Variants in STEAP2 observed in about 807,000 individuals in gnomAD.
The protein encoded by STEAP2 is metalloreductase STEAP2.
In STEAP2, 30 loss-of-function variants were observed where a neutral mutation model predicts 46.4. The ratio of observed to expected loss-of-function variants is 0.65; its 90% confidence interval spans 0.48 to 0.88. STEAP2 has a LOEUF of 0.88. Among genes scored for constraint, STEAP2 ranks in the 40% least tolerant of loss-of-function variants. The pLI is 0.00. For missense variants in STEAP2, 513 were observed against 579.3 expected (o/e 0.89, Z 1.18); for synonymous variants, 180 against 200.5 (o/e 0.90, Z 0.86).
intron 1 of STEAP2, chr7:90,215,979 T>G (rs1794995602): frequency 6.6e-6 from 1 of 152,174 alleles, no homozygotes; most frequent in Non-Finnish European, 1.5e-5. Context: ...TTAATCATGT[T>G]GGCCAGTCTG....
chr7:90,232,414 A>C lies in STEAP2; in HGVS notation c.1263A>C (p.Glu421Asp). ...LIYGWKRAFE[E>D]EYYRFYTPPN... Reference sequence around the variant, plus strand: ...ATGGATGGAAACGAGCTTTTGAGGAAGAGTACTACAGATTTTATACACCAC... The same window carrying C: ...ATGGATGGAAACGAGCTTTTGAGGACGAGTACTACAGATTTTATACACCAC... Residue 421 changes from glutamate (E) to aspartate (D), a missense_variant, in exon 6 of 6, where the codon GAA (glutamate) becomes GAC (aspartate). Physicochemically the swap from Glu to Asp is conservative, Grantham distance 45 (BLOSUM62 2). Coordinates refer to ENST00000394621, the MANE Select transcript of STEAP2 (RefSeq NM_001244944.2). The C allele has an allele frequency of 6.2e-7, 1 of 1,613,254 alleles. No individual in the cohort carries two copies. Among genetic ancestry groups the C allele is most frequent in the South Asian group, 1.1e-5 (1 of 90,954 alleles).
chr7:90,227,567 T>C (rs1795556434), intron 4 of STEAP2, 69 bp downstream of exon 4: 3 of 1,373,278 alleles, frequency 2.2e-6, no homozygotes, highest in South Asian at 3.7e-5. Flanking sequence ...TTGTAAAACA[T>C]AAAATTTTAC....
intron 5 of STEAP2, among the ~76,000 whole-genome samples, chr7:90,230,305 A>T (rs1258941458): frequency 6.6e-6 from 1 of 152,054 alleles, no homozygotes; most frequent in African/African-American, 2.4e-5. Context: ...AGAGAAAAAA[A>T]AAATGAAAGT....
chr7:90,225,541 A>C lies in STEAP2; in HGVS notation c.459A>C (p.Ala153=), dbSNP rs779552805. 14 of 1,611,174 alleles carry C rather than the reference A, an allele frequency of 8.7e-6. No individual in the cohort carries two copies. In the South Asian group the frequency reaches 1.5e-4, roughly 18 times the overall value. Residue 153 remains alanine, a synonymous_variant, in exon 3 of 6, where the codon GCA becomes GCC. Transcript: ENST00000394621. ...GATTTAATGTTGTCTCAGCTTGGGC[A>C]CTTCAGTTAGGACCTAAGGATGCCA... ...VKGFNVVSAW[A]LQLGPKDASR... is the part of the protein sequence containing the mutation.
intron 1 of STEAP2, chr7:90,216,088 G>GT (rs960851928): frequency 8.5e-5 from 13 of 152,138 alleles, no homozygotes; most frequent in African/African-American, 3.1e-4. Context: ...AAATGACATA[G>GT]TTTTATCAGT....
chr7:90,239,295 G>T (rs1305168889), downstream of STEAP2, among the ~76,000 whole-genome samples: 1 of 152,140 alleles, frequency 6.6e-6, no homozygotes, highest in African/African-American at 2.4e-5. Context: ...GGAGAAGACG[G>T]CATGCCAAGG....
At chr7:90,215,720 C>G (rs1450477103) in intron 1 of STEAP2, 3 of 152,162 alleles carry the variant, frequency 2.0e-5, no homozygotes, top group African/African-American at 7.2e-5. Flanking sequence ...AAGCTTAGGC[C>G]TGCTCTTTCA....
In STEAP2 at chr7:90,233,348, A is replaced by G. The variant is rs538446827; in HGVS notation, c.*724A>G. The G allele has an allele frequency of 1.0e-6, 1 of 984,292 alleles. No individual in the cohort carries two copies. Among genetic ancestry groups the G allele is most frequent in the South Asian group, 4.7e-5 (1 of 21,256 alleles). 61.0% of individuals were successfully genotyped at this position (984,292 alleles called of 1,614,324 possible). A position where few individuals can be genotyped will look rare whatever the true frequency, so the allele number is the denominator to read the frequency against. On this transcript the variant is annotated 3_prime_UTR_variant, in exon 6 of 6. Coordinates refer to ENST00000394621, the MANE Select transcript of STEAP2 (RefSeq NM_001244944.2). ...TTTCATATTAATATACTGATCAGGA[A>G]GAGGATTCAGTAACATTTGGCTTCC...
intron 2 of STEAP2, among the ~76,000 whole-genome samples, chr7:90,223,767 T>G (rs551146996): frequency 1.0e-3 from 152 of 152,320 alleles, no homozygotes; most frequent in African/African-American, 3.3e-3. Flanking sequence ...CATTGTAAGA[T>G]GTAGGGTGAA....
chr7:90,222,821 T>C (rs1413061605), intron 2 of STEAP2, among the ~76,000 whole-genome samples: 1 of 152,200 alleles, frequency 6.6e-6, no homozygotes, highest in African/African-American at 2.4e-5. Flanking sequence ...TGTAGTCATT[T>C]CAAATTTCAT....
At chr7:90,220,761 G>A (rs1170670848) in intron 2 of STEAP2, among the ~76,000 whole-genome samples, 2 of 152,030 alleles carry the variant, frequency 1.3e-5, no homozygotes, top group African/African-American at 4.8e-5. Context: ...GTAGGTGCTT[G>A]TTGATATAAG....
Position 90,235,878 on chromosome 7 carries a change from A to C in STEAP2, c.*3254A>C. 1.3e-6 allele frequency: 1 copy of C among 790,646 alleles called. No individual in the cohort carries two copies. The highest frequency in any genetic ancestry group is 1.9e-5 in the African/African-American group (1 of 53,550). The allele number at this position is 790,646 out of a possible 1,614,324, so 49.0% of individuals were successfully genotyped here. ...TAAAATATATTTATAGGTATTTATC[A>C]GAGATGATTATTTTGTGCTACATAC... is the stretch of plus-strand genomic sequence containing the variant. On this transcript the variant is annotated 3_prime_UTR_variant, in exon 6 of 6. Transcript: ENST00000394621.
intron 2 of STEAP2, among the ~76,000 whole-genome samples, chr7:90,222,536 T>G (rs574894495): frequency 4.6e-5 from 7 of 152,286 alleles, no homozygotes; most frequent in Non-Finnish European, 1.0e-4. Flanking sequence ...ATTTTCTGTC[T>G]TTATGTCCTT....
chr7:90,228,351 A>G (rs1163303102), intron 4 of STEAP2, among the ~76,000 whole-genome samples: 1 of 151,486 alleles, frequency 6.6e-6, no homozygotes, highest in Non-Finnish European at 1.5e-5. Flanking sequence ...AATAAAACCT[A>G]AAATAATATT....
In STEAP2 at chr7:90,232,422, A is replaced by G; in HGVS notation, c.1271A>G (p.Tyr424Cys). The G allele has an allele frequency of 6.2e-7, 1 of 1,613,708 alleles. No individual in the cohort carries two copies. The highest frequency in any genetic ancestry group is 8.5e-7 in the Non-Finnish European group (1 of 1,179,712). ...GWKRAFEEEYYRFYTPPNFVL... is the reference protein window; with the variant it reads ...GWKRAFEEEYCRFYTPPNFVL... ...AAACGAGCTTTTGAGGAAGAGTACT[A>G]CAGATTTTATACACCACCAAACTTT... Residue 424 changes from tyrosine to cysteine, a missense_variant, in exon 6 of 6, where the codon TAC (tyrosine) becomes TGC (cysteine). Coordinates refer to ENST00000394621, the MANE Select transcript of STEAP2 (RefSeq NM_001244944.2).
rs1317968616 is a variant in STEAP2 at position 90,237,102 on chromosome 7, T to C, written c.*4478T>C. On this transcript the variant is annotated 3_prime_UTR_variant, in exon 6 of 6. Coordinates refer to ENST00000394621, the MANE Select transcript of STEAP2 (RefSeq NM_001244944.2). Reference sequence around the variant, plus strand: ...TCATCCCTTCATCTTGCTGCTGGGATTGTGGATATAACAGGAGCCCTGGCA... The same window carrying C: ...TCATCCCTTCATCTTGCTGCTGGGACTGTGGATATAACAGGAGCCCTGGCA... The C allele has an allele frequency of 1.2e-6, 1 of 809,938 alleles. No individual in the cohort carries two copies. The allele number at this position is 809,938 out of a possible 1,614,324, so 50.2% of individuals were successfully genotyped here.
intron 3 of STEAP2, among the ~76,000 whole-genome samples, chr7:90,226,346 T>C (rs941714657): frequency 6.6e-6 from 1 of 152,182 alleles, no homozygotes; most frequent in Non-Finnish European, 1.5e-5. Flanking sequence ...TTTAGACTTA[T>C]TATACCGTAT....
chr7:90,235,638 G>T lies in STEAP2; in HGVS notation c.*3014G>T. 1 of 970,392 alleles carries T rather than the reference G, an allele frequency of 1.0e-6. No individual in the cohort carries two copies. The highest frequency in any genetic ancestry group is 1.2e-6 in the Non-Finnish European group (1 of 816,600). The allele number at this position is 970,392 out of a possible 1,614,324, so 60.1% of individuals were successfully genotyped here. Reference sequence around the variant, plus strand: ...ATGCAAAAAAAAAAATCAAGTAATTGTTTTCCTATGAGGAAAATAACCATG... The same window carrying T: ...ATGCAAAAAAAAAAATCAAGTAATTTTTTTCCTATGAGGAAAATAACCATG... On this transcript the variant is annotated 3_prime_UTR_variant, in exon 6 of 6. Transcript: ENST00000394621.
Position 90,232,649 on chromosome 7 carries a change from A to G in STEAP2, c.*25A>G. 6.4e-7 allele frequency: 1 copy of G among 1,571,790 alleles called. No individual in the cohort carries two copies. Among genetic ancestry groups the G allele is most frequent in the Non-Finnish European group, 8.6e-7 (1 of 1,158,838 alleles). ...ATGACAAATGGTGTTCACAGCTGCC[A>G]TATAAAGTTCTACTCATGCCATTAT... On this transcript the variant is annotated 3_prime_UTR_variant, in exon 6 of 6. Coordinates refer to ENST00000394621, the MANE Select transcript of STEAP2 (RefSeq NM_001244944.2).
Sources: allele counts gnomAD v4.1 joint callset (sites outside exome capture counted in the v4.1 genomes callset), GRCh38; gene constraint gnomAD v4.1.1; transcripts MANE v1.5; gene names NCBI Gene and HGNC (gene_info 2026-07-23, HGNC 2026-07-21).